The following GRID2 variants were observed in gnomAD, a reference collection of about 807,000 sequenced individuals.
GRID2 encodes glutamate receptor ionotropic, delta-2.
Under a neutral mutation model 114.8 loss-of-function variants are expected in GRID2, and 33 were observed. The observed-to-expected ratio is 0.29, with a 90% CI of 0.22 to 0.38. The LOEUF (loss-of-function observed/expected upper bound fraction) is 0.38, where lower values mean the gene tolerates loss of function less well. GRID2 is among the 10% of genes least tolerant of loss of function. The pLI, the probability that GRID2 is intolerant of heterozygous loss-of-function variation, is 1.00. For missense variants in GRID2, 1,184 were observed against 1,257.7 expected (o/e 0.94, Z 0.89); for synonymous variants, 505 against 449.9 (o/e 1.12, Z -1.55).
At chr4:92,587,098 C>CTCTGTGTG (rs1553903911) in intron 1 of GRID2, among the ~76,000 whole-genome samples, 1 of 133,764 alleles carries the variant, frequency 7.5e-6, no homozygotes, top group African/African-American at 2.7e-5. Context: ...TGATGAAATG[C>CTCTGTGTG]TGTGTGTGTG....
At chr4:92,868,706 AGTGTGTGT>A (rs201335750) in intron 2 of GRID2, among the ~76,000 whole-genome samples, 5 of 148,506 alleles carry the variant, frequency 3.4e-5, no homozygotes, top group South Asian at 2.1e-4. Flanking sequence ...CATTTTATGT[AGTGTGTGT>A]GTGTGTGTGT....
intron 11 of GRID2, among the ~76,000 whole-genome samples, chr4:93,477,219 G>A (rs1349485626): frequency 6.6e-6 from 1 of 152,072 alleles, no homozygotes; most frequent in Non-Finnish European, 1.5e-5. Flanking sequence ...ACCTGCACTT[G>A]TGACAATGAG....
intron 4 of GRID2, among the ~76,000 whole-genome samples, chr4:93,140,406 C>A (rs954620988): frequency 4.6e-5 from 7 of 152,142 alleles, no homozygotes; most frequent in African/African-American, 7.2e-5. Flanking sequence ...GATCCGCCTG[C>A]CTAGGCCTCC....
At chr4:92,781,542 G>C (rs1165141749) in intron 2 of GRID2, among the ~76,000 whole-genome samples, 1 of 152,010 alleles carries the variant, frequency 6.6e-6, no homozygotes, top group African/African-American at 2.4e-5. Flanking sequence ...TTATTAAAAT[G>C]ATAGAGATGG....
intron 9 of GRID2, among the ~76,000 whole-genome samples, chr4:93,403,212 AG>A (rs1211951386): frequency 1.3e-5 from 2 of 152,106 alleles, no homozygotes; most frequent in Admixed American, 6.6e-5. Flanking sequence ...GGAAATTTCC[AG>A]GGGCTGATAT....
At chr4:92,949,727 T>C (rs1751893808) in intron 2 of GRID2, among the ~76,000 whole-genome samples, 1 of 151,874 alleles carries the variant, frequency 6.6e-6, no homozygotes, top group African/African-American at 2.4e-5. Flanking sequence ...AGGTGTAAAC[T>C]GTTTAGAAAC....
chr4:92,919,935 T>G (rs903356366), intron 2 of GRID2, among the ~76,000 whole-genome samples: 2 of 152,194 alleles, frequency 1.3e-5, no homozygotes, highest in Non-Finnish European at 2.9e-5. Context: ...ATCTGTCTAA[T>G]GTTGACAGTG....
At chr4:93,660,338 C>G (rs187536644) in intron 14 of GRID2, among the ~76,000 whole-genome samples, 62 of 152,122 alleles carry the variant, frequency 4.1e-4, no homozygotes, top group African/African-American at 1.3e-3. Flanking sequence ...CATGTAGTCA[C>G]CCAAAGAAGT....
intron 1 of GRID2, among the ~76,000 whole-genome samples, chr4:92,329,983 T>G (rs895490083): frequency 4.2e-4 from 40 of 96,170 alleles, no homozygotes; most frequent in Admixed American, 5.1e-4. Flanking sequence ...GGAAGAGGAG[T>G]ATGGGAGGAA....
At position 93,719,060 on chromosome 4, in the gene GRID2, A is replaced by G. The variant is rs144098542; in HGVS notation, c.2361-50150A>G. Among the ~76,000 whole-genome samples, 666 of 151,924 alleles carry G rather than the reference A, an allele frequency of 4.4e-3. 5 individuals carry two copies. The highest frequency in any genetic ancestry group is 0.015 in the African/African-American group (607 of 41,504). ...TATTTATATATTATACGAAATATAA[A>G]TGTTATATATATTAAGTATATCTAT... On this transcript the variant is annotated intron_variant, in intron 14 of 15. Coordinates refer to ENST00000282020, the MANE Select transcript of GRID2 (RefSeq NM_001510.4).
chr4:93,464,669 A>T (rs932505042), intron 11 of GRID2, among the ~76,000 whole-genome samples: 12 of 152,230 alleles, frequency 7.9e-5, no homozygotes, highest in Non-Finnish European at 1.3e-4. Flanking sequence ...CTAGTGAACT[A>T]CATTTTTATG....
chr4:92,915,828 G>A (rs566593044), intron 2 of GRID2, among the ~76,000 whole-genome samples: 11 of 152,048 alleles, frequency 7.2e-5, no homozygotes, highest in South Asian at 2.1e-4. Flanking sequence ...GATGTTCAGC[G>A]TTTTTTCATA....
chr4:93,003,202 AGAATT>A (rs1560786028), intron 2 of GRID2, among the ~76,000 whole-genome samples: 1 of 151,984 alleles, frequency 6.6e-6, no homozygotes, highest in Non-Finnish European at 1.5e-5. Context: ...GCCAGTCTAT[AGAATT>A]ATTTATTTAA....
intron 2 of GRID2, among the ~76,000 whole-genome samples, chr4:92,695,244 G>T (rs1454583437): frequency 6.6e-6 from 1 of 152,020 alleles, no homozygotes; most frequent in Non-Finnish European, 1.5e-5. Flanking sequence ...TGGATTACAG[G>T]TGTAAGCCAC....
At chr4:93,624,136 C>G (rs978585838) in intron 13 of GRID2, among the ~76,000 whole-genome samples, 6 of 151,994 alleles carry the variant, frequency 3.9e-5, no homozygotes, top group Admixed American at 6.6e-5. Context: ...CTCAAACTAT[C>G]ATCTCATTAA....
At chr4:93,190,419 T>A (rs1299479439) in intron 4 of GRID2, among the ~76,000 whole-genome samples, 4 of 152,118 alleles carry the variant, frequency 2.6e-5, no homozygotes, top group Non-Finnish European at 4.4e-5. Context: ...TCAACTTCAT[T>A]CAGAAATTTG....
chr4:92,771,275 A>G (rs1006094228), intron 2 of GRID2, among the ~76,000 whole-genome samples: 1 of 152,210 alleles, frequency 6.6e-6, no homozygotes, highest in African/African-American at 2.4e-5. Context: ...CGTCACAGAC[A>G]CAATTATTAT....
intron 2 of GRID2, among the ~76,000 whole-genome samples, chr4:92,877,925 T>C (rs1745749145): frequency 6.6e-6 from 1 of 152,144 alleles, no homozygotes; most frequent in African/African-American, 2.4e-5. Flanking sequence ...TTTTATAGAG[T>C]TGGAGACCAG....
At chr4:93,379,862 A>G (rs1026948629) in intron 8 of GRID2, among the ~76,000 whole-genome samples, 4 of 152,102 alleles carry the variant, frequency 2.6e-5, no homozygotes, top group African/African-American at 9.7e-5. Context: ...ATTCTAGTCA[A>G]TTGAGATACA....
Sources: allele counts gnomAD v4.1 joint callset (sites outside exome capture counted in the v4.1 genomes callset), GRCh38; gene constraint gnomAD v4.1.1; transcripts MANE v1.5; gene names NCBI Gene and HGNC (gene_info 2026-07-23, HGNC 2026-07-21).